Variants in DLGAP4 observed in about 807,000 individuals in gnomAD.
The protein encoded by DLGAP4 is DLG associated protein 4.
In DLGAP4, 18 loss-of-function variants were observed where a neutral mutation model predicts 86.9. The observed-to-expected ratio is 0.21, with a 90% confidence interval of 0.14 to 0.31. The LOEUF is 0.31. Ranked by LOEUF, DLGAP4 falls within the 10% of genes least tolerant of loss-of-function variation. The pLI is 1.00. For synonymous variants in DLGAP4, 548 were observed against 574.3 expected (o/e 0.95, Z 0.65); for missense variants, 1,085 against 1,362.6 (o/e 0.80, Z 3.21).
At chr20:36,364,633 T>C (rs1555894492) in intron 1 of DLGAP4, among the ~76,000 whole-genome samples, 1 of 152,204 alleles carries the variant, frequency 6.6e-6, no homozygotes, top group African/African-American at 2.4e-5. Context: ...GCACCTGTTC[T>C]GGATATTTCA....
intron 10 of DLGAP4, among the ~76,000 whole-genome samples, chr20:36,503,629 A>G (rs969239720): frequency 2.0e-5 from 3 of 152,034 alleles, no homozygotes; most frequent in Non-Finnish European, 4.4e-5. Context: ...CTGGAACTAC[A>G]GGCGCCTGCC....
intron 10 of DLGAP4, among the ~76,000 whole-genome samples, chr20:36,509,370 A>C (rs2036560166): frequency 6.6e-6 from 1 of 152,168 alleles, no homozygotes; most frequent in Admixed American, 6.5e-5. Flanking sequence ...CAGGAGTTTG[A>C]GACCAGCCTG....
At chr20:36,524,402 C>G (rs1353450230) in intron 11 of DLGAP4, 61 bp downstream of exon 11, 1 of 1,432,328 alleles carries the variant, frequency 7.0e-7, no homozygotes, top group South Asian at 1.3e-5. Flanking sequence ...CCACTATACT[C>G]TGCCAGCCCC....
chr20:36,476,317 C>G (rs1415563101), intron 7 of DLGAP4, among the ~76,000 whole-genome samples: 1 of 144,782 alleles, frequency 6.9e-6, no homozygotes, highest in African/African-American at 2.6e-5. Flanking sequence ...CTGGCAACCA[C>G]CTTTTTTTTT....
At chr20:36,333,178 G>A (rs1364213409) in intron 1 of DLGAP4, among the ~76,000 whole-genome samples, 5 of 152,110 alleles carry the variant, frequency 3.3e-5, no homozygotes, top group South Asian at 2.1e-4. Context: ...AGGCCATCTG[G>A]TCCCACTTTG....
intron 12 of DLGAP4, 118 bp downstream of exon 12, chr20:36,526,124 G>T: frequency 6.8e-7 from 1 of 1,468,870 alleles, no homozygotes; most frequent in Non-Finnish European, 9.4e-7. Context: ...TTTGAGCTGG[G>T]GTCTCACATC....
intron 2 of DLGAP4, among the ~76,000 whole-genome samples, chr20:36,383,671 T>G (rs551119939): frequency 6.6e-6 from 1 of 151,964 alleles, no homozygotes; most frequent in South Asian, 2.1e-4. Context: ...ATGAAAGAGA[T>G]GCAAATAGAA....
intron 1 of DLGAP4, among the ~76,000 whole-genome samples, chr20:36,312,065 A>G (rs1287005498): frequency 6.6e-6 from 1 of 152,056 alleles, no homozygotes; most frequent in Non-Finnish European, 1.5e-5. Context: ...GTCAGTGGCC[A>G]CACCTCCCCC....
intron 7 of DLGAP4, among the ~76,000 whole-genome samples, chr20:36,469,074 C>A (rs183935675): frequency 2.3e-4 from 35 of 152,268 alleles, no homozygotes; most frequent in African/African-American, 7.9e-4. Context: ...TTCTTATCAT[C>A]CTTGTTTTTC....
chr20:36,408,662 C>T (rs1445528434), intron 2 of DLGAP4, among the ~76,000 whole-genome samples: 6 of 152,186 alleles, frequency 3.9e-5, no homozygotes, highest in African/African-American at 1.2e-4. Context: ...TTTCCCCAGG[C>T]GTCTAGCACT....
intron 1 of DLGAP4, among the ~76,000 whole-genome samples, chr20:36,330,174 C>T (rs2065253320): frequency 6.6e-6 from 1 of 152,084 alleles, no homozygotes; most frequent in Non-Finnish European, 1.5e-5. Context: ...AAAAAAATGA[C>T]AATTAAAACA....
At chr20:36,423,197 C>T (rs995585460) in intron 2 of DLGAP4, among the ~76,000 whole-genome samples, 1 of 152,140 alleles carries the variant, frequency 6.6e-6, no homozygotes, top group Non-Finnish European at 1.5e-5. Flanking sequence ...CATGGTGGCT[C>T]ATGCCTGTAA....
chr20:36,330,937 G>T (rs2065261212), intron 1 of DLGAP4, among the ~76,000 whole-genome samples: 1 of 152,184 alleles, frequency 6.6e-6, no homozygotes, highest in African/African-American at 2.4e-5. Context: ...GTTAGCTATT[G>T]TCACTGTTGT....
intron 2 of DLGAP4, among the ~76,000 whole-genome samples, chr20:36,408,663 G>A (rs544028611): frequency 1.2e-4 from 18 of 152,198 alleles, no homozygotes; most frequent in Admixed American, 5.9e-4. Flanking sequence ...TTCCCCAGGC[G>A]TCTAGCACTG....
At chr20:36,312,768 C>T (rs901703088) in intron 1 of DLGAP4, among the ~76,000 whole-genome samples, 2 of 152,100 alleles carry the variant, frequency 1.3e-5, no homozygotes, top group African/African-American at 4.8e-5. Context: ...AGTGAGCACT[C>T]GGCCTCTGGG....
chr20:36,368,332 C>T (rs1376464718), intron 2 of DLGAP4, among the ~76,000 whole-genome samples: 1 of 152,214 alleles, frequency 6.6e-6, no homozygotes, highest in Non-Finnish European at 1.5e-5. Context: ...TAGAGCCTGC[C>T]CAGCTTCCCT....
In DLGAP4 at chr20:36,442,718, T is replaced by A. The variant is rs1193332171; in HGVS notation, c.1357-9T>A. On this transcript the variant is annotated splice_polypyrimidine_tract_variant and intron_variant, in intron 5 of 12. Coordinates refer to ENST00000339266, the MANE Select transcript of DLGAP4 (RefSeq NM_001365621.2). ...TCCTTCCATAACCCTCACCCTCTCT[T>A]TCCTGCAGATTTTTGGACAGGCCTC... The A allele has an allele frequency of 1.9e-6, 3 of 1,614,022 alleles. No homozygotes were observed. The highest frequency in any genetic ancestry group is 2.5e-6 in the Non-Finnish European group (3 of 1,180,028).
intron 1 of DLGAP4, among the ~76,000 whole-genome samples, chr20:36,353,991 C>T (rs868953536): frequency 2.3e-4 from 35 of 152,352 alleles, no homozygotes; most frequent in Middle Eastern, 3.4e-3. Flanking sequence ...CCTCGAGCGC[C>T]TGCTGTTTCC....
rs527946762 is a variant in DLGAP4 at position 36,414,235 on chromosome 20, G to C, written c.-72-17411G>C. Among the ~76,000 whole-genome samples, 88 of 152,310 alleles carry C rather than the reference G, an allele frequency of 5.8e-4. No individual in the cohort carries two copies. The South Asian group carries it at 7.1e-3, about 12-fold the overall frequency. On this transcript the variant is annotated intron_variant, in intron 2 of 12. Coordinates refer to ENST00000339266, the MANE Select transcript of DLGAP4 (RefSeq NM_001365621.2). ...ACCCTGCTTGAAAACAGCAGCCAAG[G>C]GGGTGATCCTGGTCCATCCAGACCC...
Sources: gnomAD v4.1 joint callset for allele counts (sites outside exome capture counted in the v4.1 genomes callset) on GRCh38, gnomAD v4.1.1 for gene constraint, MANE v1.5 for transcripts, NCBI Gene and HGNC (gene_info 2026-07-23, HGNC 2026-07-21) for gene names.